KANK1: variants seen among roughly 807,000 people sequenced by gnomAD.
KANK1 encodes the protein KN motif and ankyrin repeat domains 1.
Under a neutral mutation model 106.2 loss-of-function variants are expected in KANK1, and 109 were observed. The observed-to-expected ratio is 1.03, with a 90% CI of 0.88 to 1.20. The LOEUF is 1.20. KANK1 is among the 50% of genes most tolerant of loss of function. The pLI, the probability that KANK1 is intolerant of heterozygous loss-of-function variation, is 0.00. For synonymous variants in KANK1, 873 were observed against 652.2 expected, an observed-to-expected ratio of 1.34 and a Z score of -5.16; for missense variants, 2,399 against 1,710.7, an observed-to-expected ratio of 1.40 and a Z score of -7.10.
At chr9:604,846 T>G (rs903220) in intron 1 of KANK1, among the ~76,000 whole-genome samples, 64,578 of 151,170 alleles carry the variant, frequency 0.43, 15,185 homozygotes, top group South Asian at 0.57. Context: ...ATGATAATAG[T>G]AAGTTTCCTA....
Position 711,624 on chromosome 9 carries a change from G to A in KANK1, c.858G>A (p.Val286=). Residue 286 remains valine, a synonymous_variant, in exon 3 of 12, where the codon GTG becomes GTA. Coordinates refer to ENST00000382297, the MANE Select transcript of KANK1 (RefSeq NM_015158.5). ...ELEEQVRTIP[V]LQVKISVLQE... is the part of the protein sequence containing the mutation. ...AGGAGCAGGTGCGAACCATCCCTGTGCTCCAGGTAAAGATCTCTGTCTTGC... is the reference window on the plus strand; with the variant it reads ...AGGAGCAGGTGCGAACCATCCCTGTACTCCAGGTAAAGATCTCTGTCTTGC... The A allele has an allele frequency of 3.1e-6, 5 of 1,614,124 alleles. No homozygotes were observed. The highest frequency in any genetic ancestry group is 4.2e-6 in the Non-Finnish European group (5 of 1,180,034).
chr9:510,392 G>T (rs2058977859), intron 1 of KANK1, among the ~76,000 whole-genome samples: 1 of 152,194 alleles, frequency 6.6e-6, no homozygotes, highest in African/African-American at 2.4e-5. Context: ...AAAAATACCA[G>T]TTAGGCAAAA....
At position 712,401 on chromosome 9, in the gene KANK1, C is replaced by T. The variant is rs1221041407; in HGVS notation, c.1635C>T (p.Asn545=). 3.1e-6 allele frequency: 5 copies of T among 1,614,166 alleles called. No individual in the cohort carries two copies. The highest frequency in any genetic ancestry group is 4.2e-6 in the Non-Finnish European group (5 of 1,180,038). ...DTCVGTSVET[N]SVGISCQPEC... is the part of the protein sequence containing the mutation. ...GTGTTGGGACCTCCGTGGAAACAAA[C>T]AGTGTAGGCATCTCCTGCCAGCCTG... Residue 545 remains asparagine, a synonymous_variant, in exon 3 of 12, where the codon AAC becomes AAT. Transcript: ENST00000382297.
intron 1 of KANK1, among the ~76,000 whole-genome samples, chr9:602,255 T>G (rs539773674): frequency 3.5e-4 from 53 of 151,480 alleles, no homozygotes; most frequent in Non-Finnish European, 3.5e-4. Flanking sequence ...CCATTTTTAT[T>G]TATTTTATTT....
In KANK1 at chr9:745,294, G is replaced by A. The variant is rs186944885; in HGVS notation, c.*59G>A. The A allele has an allele frequency of 2.2e-4, 351 of 1,599,814 alleles. 2 individuals are homozygous for A. The highest frequency in any genetic ancestry group is 1.0e-3 in the Admixed American group (61 of 59,928). ...TATTAAGCTGCTAATTGTTCCTGTT[G>A]GGGTGACAGATACTGAATGTATACG... On this transcript the variant is annotated 3_prime_UTR_variant, in exon 12 of 12. Transcript: ENST00000382297.
intron 1 of KANK1, among the ~76,000 whole-genome samples, chr9:574,220 A>G (rs192696432): frequency 6.6e-6 from 1 of 152,340 alleles, no homozygotes; most frequent in Non-Finnish European, 1.5e-5. Context: ...AACATTCCAT[A>G]AAGGCTAAGG....
intron 1 of KANK1, among the ~76,000 whole-genome samples, chr9:550,608 A>G (rs1039090397): frequency 6.6e-6 from 1 of 152,198 alleles, no homozygotes; most frequent in Non-Finnish European, 1.5e-5. Context: ...CCCTGTCTCT[A>G]ATAAAACAAA....
At chr9:576,293 AC>A (rs1820539953) in intron 1 of KANK1, among the ~76,000 whole-genome samples, 2 of 152,190 alleles carry the variant, frequency 1.3e-5, no homozygotes, top group Admixed American at 1.3e-4. Context: ...GAGATAACAT[AC>A]CCTTGGGTCC....
At chr9:731,358 G>T (rs539174094) in intron 5 of KANK1, 92 bp downstream of exon 5, 1 of 699,442 alleles carries the variant, frequency 1.4e-6, no homozygotes, top group African/African-American at 1.8e-5. Flanking sequence ...TCGGGGAAGC[G>T]GCCACAGCGC....
At chr9:687,907 T>A (rs1818935486) in intron 2 of KANK1, among the ~76,000 whole-genome samples, 1 of 152,218 alleles carries the variant, frequency 6.6e-6, no homozygotes, top group South Asian at 2.1e-4. Flanking sequence ...TCATGTCATC[T>A]TCTTCGTATG....
chr9:491,886 T>G (rs2058382858), intron 3 of KANK1, among the ~76,000 whole-genome samples: 1 of 152,176 alleles, frequency 6.6e-6, no homozygotes, highest in African/African-American at 2.4e-5. Context: ...AATGGGAGTT[T>G]CCCTACACAA....
chr9:498,136 A>AG (rs1188884377), intron 3 of KANK1, among the ~76,000 whole-genome samples: 3 of 152,188 alleles, frequency 2.0e-5, no homozygotes, highest in Non-Finnish European at 4.4e-5. Flanking sequence ...TTAATGAAAG[A>AG]GGCACAGGTA....
At chr9:584,246 G>A (rs1822883563) in intron 1 of KANK1, among the ~76,000 whole-genome samples, 1 of 152,092 alleles carries the variant, frequency 6.6e-6, no homozygotes, top group Non-Finnish European at 1.5e-5. Context: ...GGAAAAACAA[G>A]TTACAAGTAA....
chr9:652,189 G>A (rs745678217), intron 1 of KANK1, among the ~76,000 whole-genome samples: 1 of 152,102 alleles, frequency 6.6e-6, no homozygotes, highest in Non-Finnish European at 1.5e-5. Context: ...TATTGGACAG[G>A]TACAGAAAGC....
At chr9:527,226 C>G (rs182122792) in intron 1 of KANK1, among the ~76,000 whole-genome samples, 1 of 151,842 alleles carries the variant, frequency 6.6e-6, no homozygotes, top group African/African-American at 2.4e-5. Flanking sequence ...CTCTCTGTTT[C>G]TCTTCCCTGG....
intron 1 of KANK1, among the ~76,000 whole-genome samples, chr9:603,189 A>G (rs923223197): frequency 1.3e-4 from 20 of 151,800 alleles, no homozygotes; most frequent in African/African-American, 4.9e-4. Flanking sequence ...TGTGTAAGAA[A>G]TTTCCCTACT....
rs1835879292 is a variant in KANK1 at position 742,426 on chromosome 9, C to T, written c.3897+21C>T. ...ACAACGTAAGCTGTCTCCATTGGGCCTCCTGGCCAGGGGTCTGGGGGACTC... is the reference window on the plus strand; with the variant it reads ...ACAACGTAAGCTGTCTCCATTGGGCTTCCTGGCCAGGGGTCTGGGGGACTC... On this transcript the variant is annotated intron_variant, in intron 10 of 11. Coordinates refer to ENST00000382297, the MANE Select transcript of KANK1 (RefSeq NM_015158.5). 2.5e-6 allele frequency: 4 copies of T among 1,594,850 alleles called. No individual in the cohort carries two copies. The East Asian group carries it at 6.7e-5, about 27-fold the overall frequency.
Position 742,314 on chromosome 9 carries a change from C to T in KANK1, c.3806C>T (p.Thr1269Met), listed in dbSNP as rs775231755. The T allele has an allele frequency of 1.1e-5, 18 of 1,613,786 alleles. No homozygotes were observed. Among genetic ancestry groups the T allele is most frequent in the Admixed American group, 1.7e-5 (1 of 60,008 alleles). ...DVNIQDDEGS[T>M]ALMCASEHGH... is the part of the protein sequence containing the mutation. The stretch of plus-strand genomic sequence containing the variant: ...AACATCCAGGATGACGAGGGCTCCA[C>T]GGCCCTCATGTGTGCCAGCGAGCAC... Residue 1269 changes from threonine (T) to methionine (M), a missense_variant, in exon 10 of 12, where the codon ACG becomes ATG. Transcript: ENST00000382297.
chr9:744,636 G>A (rs578010217), intron 11 of KANK1, 47 bp downstream of exon 11: 1 of 1,613,830 alleles, frequency 6.2e-7, no homozygotes, highest in African/African-American at 1.3e-5. Context: ...AAATCCACCA[G>A]ACTGGTGGAC....
Sources: gnomAD v4.1 joint callset for allele counts (sites outside exome capture counted in the v4.1 genomes callset) on GRCh38, gnomAD v4.1.1 for gene constraint, MANE v1.5 for transcripts, NCBI Gene and HGNC (gene_info 2026-07-23, HGNC 2026-07-21) for gene names.